Variants in UGGT2 observed in about 807,000 individuals in gnomAD.
UGGT2 encodes the protein UDP-glucose glycoprotein glucosyltransferase 2, also known as UDP-glucose:glycoprotein glucosyltransferase 2.
UGGT2 carries 180 observed loss-of-function variants against 192.1 expected under a neutral mutation model. The ratio of observed to expected loss-of-function variants is 0.94; its 90% confidence interval spans 0.83 to 1.06. The LOEUF (loss-of-function observed/expected upper bound fraction) is 1.06. UGGT2 is among the 50% of genes least tolerant of loss of function. The pLI, the probability that UGGT2 is intolerant of heterozygous loss-of-function variation, is 0.00. For synonymous variants in UGGT2, 580 were observed against 591.0 expected, an observed-to-expected ratio of 0.98 and a Z score of 0.27; for missense variants, 1,849 against 1,795.7, an observed-to-expected ratio of 1.03 and a Z score of -0.54.
chr13:96,045,192 A>ACTTATT (rs2053272406), intron 1 of UGGT2, among the ~76,000 whole-genome samples: 1 of 152,214 alleles, frequency 6.6e-6, no homozygotes, highest in African/African-American at 2.4e-5. Flanking sequence ...TAGGCAAGTC[A>ACTTATT]ATAAATGTGA....
intron 1 of UGGT2, among the ~76,000 whole-genome samples, chr13:96,049,375 C>G (rs944429121): frequency 4.6e-5 from 7 of 152,174 alleles, no homozygotes; most frequent in African/African-American, 1.7e-4. Flanking sequence ...CAATATCATA[C>G]TGAATGGGCA....
At chr13:96,049,196 T>C (rs547601913) in intron 1 of UGGT2, among the ~76,000 whole-genome samples, 1 of 152,310 alleles carries the variant, frequency 6.6e-6, no homozygotes, top group Non-Finnish European at 1.5e-5. Flanking sequence ...TCAATAAACA[T>C]AATTCATCAT....
intron 34 of UGGT2, 75 bp from the exon 35 acceptor site, chr13:95,854,550 A>G (rs534788239): frequency 2.5e-4 from 327 of 1,288,428 alleles, no homozygotes; most frequent in Non-Finnish European, 3.3e-4. Context: ...ATCTCAAATC[A>G]TTATTACTCT....
At chr13:95,923,525 C>T (rs1374377700) in intron 20 of UGGT2, among the ~76,000 whole-genome samples, 2 of 152,036 alleles carry the variant, frequency 1.3e-5, no homozygotes, top group African/African-American at 2.4e-5. Flanking sequence ...TGTGCCATCA[C>T]GTCCAGCAAA....
chr13:95,924,985 T>C (rs2048974502), intron 20 of UGGT2, among the ~76,000 whole-genome samples: 1 of 152,188 alleles, frequency 6.6e-6, no homozygotes, highest in South Asian at 2.1e-4. Flanking sequence ...CCTCAGAAAC[T>C]GTTAAGATAA....
At chr13:95,806,036 T>TAAAA (rs35951474) in intron 38 of UGGT2, among the ~76,000 whole-genome samples, 25 of 84,830 alleles carry the variant, frequency 2.9e-4, no homozygotes, top group African/African-American at 1.0e-3. Flanking sequence ...AAGAGATTAT[T>TAAAA]AAAAAAAAAA....
intron 7 of UGGT2, chr13:95,991,466 A>G: frequency 2.2e-6 from 1 of 454,926 alleles, no homozygotes; most frequent in Non-Finnish European, 4.4e-6. Context: ...AATAGTCAAT[A>G]GACAAGCCTT....
At position 96,029,929 on chromosome 13, in the gene UGGT2, G is replaced by GT. The variant is rs1283794934; in HGVS notation, c.241+1959dup. 2.6e-5 allele frequency among the ~76,000 whole-genome samples: 4 copies of GT among 152,182 alleles called. No homozygotes were observed. The South Asian group carries it at 6.2e-4, about 24-fold the overall frequency. ...TGAGAGACACGAAATTTGGTGTTAG[G>GT]TTTTTTTAAACTATCTTGGATACTT... On this transcript the variant is annotated intron_variant, in intron 2 of 38. Transcript: ENST00000376747.
intron 38 of UGGT2, among the ~76,000 whole-genome samples, chr13:95,806,310 C>A (rs968133492): frequency 6.6e-6 from 1 of 152,126 alleles, no homozygotes; most frequent in Non-Finnish European, 1.5e-5. Flanking sequence ...GTGGGGCAGT[C>A]CTGCAGGCTG....
chr13:95,933,825 G>T (rs983896949), intron 17 of UGGT2, among the ~76,000 whole-genome samples: 7 of 152,222 alleles, frequency 4.6e-5, no homozygotes, highest in Admixed American at 1.3e-4. Context: ...GGGACTACAG[G>T]CACCAGCCAC....
chr13:95,853,085 G>T (rs1438315446), intron 36 of UGGT2, among the ~76,000 whole-genome samples: 1 of 152,084 alleles, frequency 6.6e-6, no homozygotes, highest in Non-Finnish European at 1.5e-5. Context: ...TTTTAAGAGG[G>T]GCTTCCCCCT....
intron 38 of UGGT2, among the ~76,000 whole-genome samples, chr13:95,830,441 TCAAA>T (rs1192395331): frequency 6.6e-6 from 1 of 151,484 alleles, no homozygotes; most frequent in Admixed American, 6.6e-5. Context: ...CAAGAAAAAA[TCAAA>T]CAACCCCATC....
intron 12 of UGGT2, among the ~76,000 whole-genome samples, chr13:95,952,246 G>C (rs555704948): frequency 6.6e-6 from 1 of 151,984 alleles, no homozygotes; most frequent in East Asian, 1.9e-4. Context: ...AAAAAGATAC[G>C]ACGGCCCCAG....
At chr13:95,841,363 A>T (rs1887842337) in intron 36 of UGGT2, among the ~76,000 whole-genome samples, 1 of 152,220 alleles carries the variant, frequency 6.6e-6, no homozygotes, top group African/African-American at 2.4e-5. Flanking sequence ...AGGGAAGCGC[A>T]GCTACTAGTG....
chr13:95,959,206 T>C (rs2050310089), intron 12 of UGGT2, among the ~76,000 whole-genome samples: 2 of 152,140 alleles, frequency 1.3e-5, no homozygotes, highest in South Asian at 4.1e-4. Context: ...CAATCACACA[T>C]TTCCATGCAC....
chr13:95,818,702 G>A (rs780726744), intron 38 of UGGT2, among the ~76,000 whole-genome samples: 2 of 152,128 alleles, frequency 1.3e-5, no homozygotes, highest in African/African-American at 2.4e-5. Flanking sequence ...GATTACTGGG[G>A]AGGCAGAGAG....
At chr13:95,875,487 C>CT (rs1196702769) in intron 29 of UGGT2, among the ~76,000 whole-genome samples, 2 of 152,138 alleles carry the variant, frequency 1.3e-5, no homozygotes, top group Non-Finnish European at 2.9e-5. Context: ...TTCTCAGATC[C>CT]TGCTGGGATA....
chr13:95,995,075 A>G (rs2051576415), intron 7 of UGGT2, among the ~76,000 whole-genome samples: 2 of 152,126 alleles, frequency 1.3e-5, no homozygotes, highest in Admixed American at 1.3e-4. Flanking sequence ...AATGAAAAAA[A>G]CTTCCATCTT....
intron 22 of UGGT2, among the ~76,000 whole-genome samples, chr13:95,897,083 T>C (rs558860684): frequency 6.6e-6 from 1 of 152,210 alleles, no homozygotes; most frequent in Admixed American, 6.5e-5. Flanking sequence ...CATGATGCCC[T>C]TCAAATATTG....
Sources: gnomAD v4.1 joint callset for allele counts (sites outside exome capture counted in the v4.1 genomes callset) on GRCh38, gnomAD v4.1.1 for gene constraint, MANE v1.5 for transcripts, NCBI Gene and HGNC (gene_info 2026-07-23, HGNC 2026-07-21) for gene names.